PSMG3: variants seen among roughly 807,000 people sequenced by gnomAD.
PSMG3 encodes proteasome assembly chaperone 3.
Under a neutral mutation model 7.9 loss-of-function variants are expected in PSMG3, and 4 were observed. That is an observed-to-expected ratio of 0.51 (90% confidence interval 0.25 to 1.16). PSMG3 has a LOEUF of 1.16. Ranked by LOEUF, PSMG3 falls within the 50% of genes most tolerant of loss-of-function variation. The pLI is 0.15. For missense variants in PSMG3, 151 were observed against 157.4 expected (o/e 0.96, Z 0.22); for synonymous variants, 81 against 69.8 (o/e 1.16, Z -0.80).
chr7:1,569,202 G>A lies in PSMG3; in HGVS notation c.138C>T (p.Val46=). The change falls in exon 1 of 2, where the codon GTC becomes GTT. Residue 46 remains valine, a synonymous_variant. Transcript: ENST00000288607. The part of the protein sequence containing the change: ...VTQFGKMGTL[V]SLEPSSVASD... ...TGGCCACGCTGCTGGGCTCCAGGGA[G>A]ACCAGGGTGCCCATCTTCCCAAACT... The A allele has an allele frequency of 1.2e-6, 2 of 1,613,660 alleles. No homozygotes were observed. The highest frequency in any genetic ancestry group is 1.7e-6 in the Non-Finnish European group (2 of 1,180,022).
At position 1,568,903 on chromosome 7, in the gene PSMG3, C is replaced by T. The variant is rs531299189; in HGVS notation, c.216+221G>A. ...CCTTAAGTGATCTGCCCGCCTCAGC[C>T]TCCCAAAGTGCTGGGATTACAGGTG... On this transcript the variant is annotated intron_variant, in intron 1 of 1. Transcript: ENST00000288607. Among the ~76,000 whole-genome samples the T allele has an allele frequency of 5.9e-5, 9 of 152,352 alleles. No individual in the cohort carries two copies. The South Asian group carries it at 1.7e-3, about 28-fold the overall frequency.
intron 1 of PSMG3, 137 bp from the exon 2 acceptor site, chr7:1,567,987 G>A: frequency 1.4e-6 from 1 of 721,748 alleles, no homozygotes; most frequent in Non-Finnish European, 2.3e-6. Flanking sequence ...CCATGCAACT[G>A]TGACTCAGAG....
chr7:1,569,043 C>T (rs942213585), intron 1 of PSMG3, 81 bp downstream of exon 1: 2 of 1,271,622 alleles, frequency 1.6e-6, no homozygotes, highest in African/African-American at 2.9e-5. Context: ...AACTCCTGGC[C>T]TCAAGCGATC....
chr7:1,567,645 G>C lies in PSMG3; in HGVS notation c.*53C>G, dbSNP rs1778798976. The C allele has an allele frequency of 6.4e-7, 1 of 1,553,216 alleles. No homozygotes were observed. Among genetic ancestry groups the C allele is most frequent in the East Asian group, 2.3e-5 (1 of 43,882 alleles). ...AGGTGAGACTTGAGTCCCTGAGTGGGTGTCTGGGTGTTCACGTGTCCTGCT... is the reference window on the plus strand; with the variant it reads ...AGGTGAGACTTGAGTCCCTGAGTGGCTGTCTGGGTGTTCACGTGTCCTGCT... On this transcript the variant is annotated 3_prime_UTR_variant, in exon 2 of 2. Coordinates refer to ENST00000288607, the MANE Select transcript of PSMG3 (RefSeq NM_032302.4).
chr7:1,569,617 A>C lies in PSMG3; in HGVS notation c.-278T>G, dbSNP rs1480770515. 2 of 313,848 alleles carry C rather than the reference A, an allele frequency of 6.4e-6. No individual in the cohort carries two copies. Among genetic ancestry groups the C allele is most frequent in the South Asian group, 5.6e-5 (1 of 18,000 alleles). The allele number at this position is 313,848 out of a possible 1,614,324, so 19.4% of individuals were successfully genotyped here. ...CCCCCATCTCTACCAAAAAAAAAAA[A>C]AAAAAAAACCAGCAGGGCGCGCCTG... is the stretch of plus-strand genomic sequence containing the variant. On this transcript the variant is annotated 5_prime_UTR_variant, in exon 1 of 2. Coordinates refer to ENST00000288607, the MANE Select transcript of PSMG3 (RefSeq NM_032302.4).
intron 1 of PSMG3, 79 bp from the exon 2 acceptor site, chr7:1,567,929 TAGGAACCC>T: frequency 6.9e-7 from 1 of 1,449,194 alleles, no homozygotes; most frequent in South Asian, 1.3e-5. Context: ...AAGTATCCCT[TAGGAACCC>T]AGGCAGGCTT....
Position 1,567,615 on chromosome 7 carries a change from G to A in PSMG3, c.*83C>T, listed in dbSNP as rs909123817. 1 of 1,402,852 alleles carries A rather than the reference G, an allele frequency of 7.1e-7. No homozygotes were observed. The highest frequency in any genetic ancestry group is 9.6e-7 in the Non-Finnish European group (1 of 1,036,302). 86.9% of individuals were successfully genotyped at this position (1,402,852 alleles called of 1,614,324 possible). On this transcript the variant is annotated 3_prime_UTR_variant, in exon 2 of 2. Coordinates refer to ENST00000288607, the MANE Select transcript of PSMG3 (RefSeq NM_032302.4). ...TGCCAAAGTTCCTCCCTCCACCGGG[G>A]AGGGAGGTGAGACTTGAGTCCCTGA...
rs1401513602 is a variant in PSMG3 at position 1,569,851 on chromosome 7, CACACT to C, written c.-517_-513del. ...GGGTTAGGGGATCGACTTGCACGTT[CACACT>C]GCCAGGCCGGGCAGTGGCTTCCCGC... is the stretch of plus-strand genomic sequence containing the variant. On this transcript the variant is annotated 5_prime_UTR_variant, in exon 1 of 2. Transcript: ENST00000288607. The C allele has an allele frequency of 2.0e-5, 3 of 152,172 alleles. No individual in the cohort carries two copies. The highest frequency in any genetic ancestry group is 2.9e-5 in the Non-Finnish European group (2 of 68,054). 9.4% of individuals were successfully genotyped at this position (152,172 alleles called of 1,614,324 possible).
chr7:1,567,824 G>A lies in PSMG3; in HGVS notation c.243C>T (p.Asn81=). ...DEPLIHVFAK[N]LVAFVSQEAG... ...CTTCTTGAGACACAAACGCTACCAGGTTCTTTGCAAAGACATGGATGAGAG... is the reference window on the plus strand; with the variant it reads ...CTTCTTGAGACACAAACGCTACCAGATTCTTTGCAAAGACATGGATGAGAG... The change falls in exon 2 of 2, where the codon AAC becomes AAT. Residue 81 remains asparagine, a synonymous_variant. Coordinates refer to ENST00000288607, the MANE Select transcript of PSMG3 (RefSeq NM_032302.4). 1 of 1,613,972 alleles carries A rather than the reference G, an allele frequency of 6.2e-7. No individual in the cohort carries two copies.
At position 1,567,681 on chromosome 7, in the gene PSMG3, G is replaced by C; in HGVS notation, c.*17C>G. ...TTCACGTGTCCTGCTGAGCAGCGCG[G>C]GGCGGCTGCCTCCAGGTCACCACAC... On this transcript the variant is annotated 3_prime_UTR_variant, in exon 2 of 2. Transcript: ENST00000288607. The C allele has an allele frequency of 6.2e-7, 1 of 1,611,606 alleles. No individual in the cohort carries two copies.
intron 1 of PSMG3, 54 bp from the exon 2 acceptor site, chr7:1,567,904 C>T (rs1449795109): frequency 7.0e-6 from 11 of 1,576,830 alleles, no homozygotes; most frequent in Non-Finnish European, 8.6e-6. Context: ...TGGTTTTTTC[C>T]TCAATGCTTT....
chr7:1,569,057 CCGCCTAGGCCT>C, intron 1 of PSMG3, 56 bp downstream of exon 1: 1 of 1,410,090 alleles, frequency 7.1e-7, no homozygotes, highest in Non-Finnish European at 9.9e-7. Flanking sequence ...AGCGATCTGC[CCGCCTAGGCCT>C]CTGAAAGTGC....
In PSMG3 at chr7:1,567,464, T is replaced by C. The variant is rs75926663; in HGVS notation, c.*234A>G. ...CAAACACAAGCAACGATTCAGGTCC[T>C]GGTGAGAACCATTCACGACTCCTCC... On this transcript the variant is annotated 3_prime_UTR_variant, in exon 2 of 2. Transcript: ENST00000288607. The C allele has an allele frequency of 7.0e-3, 2,824 of 404,518 alleles. 65 individuals carry two copies. Among genetic ancestry groups the C allele is most frequent in the African/African-American group, 0.052 (2,534 of 48,588 alleles). The allele number at this position is 404,518 out of a possible 1,614,324, so 25.1% of individuals were successfully genotyped here. A position where few individuals can be genotyped will look rare whatever the true frequency, so the allele number is the denominator to read the frequency against.
chr7:1,569,007 T>C (rs1025842539), intron 1 of PSMG3, 117 bp downstream of exon 1: 23 of 766,882 alleles, frequency 3.0e-5, no homozygotes, highest in Admixed American at 1.1e-4. Context: ...TGTGTGTGTG[T>C]TGTTGTGTTG....
rs200063968 is a variant in PSMG3, at chr7:1,569,108, G to A, written c.216+16C>T. The A allele has an allele frequency of 3.1e-6, 5 of 1,610,392 alleles. No individual in the cohort carries two copies. The highest frequency in any genetic ancestry group is 2.7e-5 in the African/African-American group (2 of 74,998). The stretch of plus-strand genomic sequence containing the variant: ...GTTACAGGCGTGAGCCACAGTTCCC[G>A]GCCAATCCACTTTACCTCATCCTGC... On this transcript the variant is annotated intron_variant, in intron 1 of 1. Transcript: ENST00000288607.
Position 1,569,585 on chromosome 7 carries a change from A to T in PSMG3, c.-246T>A. On this transcript the variant is annotated 5_prime_UTR_variant, in exon 1 of 2. Coordinates refer to ENST00000288607, the MANE Select transcript of PSMG3 (RefSeq NM_032302.4). ...AATTCGAGACCAGCCTGGCCAACAT[A>T]GCGAGACCCCCATCTCTACCAAAAA... The T allele has an allele frequency of 3.6e-6, 1 of 280,284 alleles. No individual in the cohort carries two copies. Among genetic ancestry groups the T allele is most frequent in the Non-Finnish European group, 6.6e-6 (1 of 150,904 alleles). The allele number at this position is 280,284 out of a possible 1,614,324, so 17.4% of individuals were successfully genotyped here.
chr7:1,568,947 C>T (rs1778823701), intron 1 of PSMG3, among the ~76,000 whole-genome samples, 177 bp downstream of exon 1: 1 of 151,762 alleles, frequency 6.6e-6, no homozygotes, highest in Non-Finnish European at 1.5e-5. Flanking sequence ...TGCACCCAGC[C>T]TCTCTCTATA....
Position 1,567,785 on chromosome 7 carries a change from T to G in PSMG3, c.282A>C (p.Ala94=), listed in dbSNP as rs1386766190. 1 of 1,614,092 alleles carries G rather than the reference T, an allele frequency of 6.2e-7. No individual in the cohort carries two copies. The highest frequency in any genetic ancestry group is 8.5e-7 in the Non-Finnish European group (1 of 1,180,032). ...AFVSQEAGNR[A]VLLAVAVKDK... Reference sequence around the variant, plus strand: ...CCTTCACGGCCACGGCGAGGAGGACTGCTCTGTTTCCAGCTTCTTGAGACA... The same window carrying G: ...CCTTCACGGCCACGGCGAGGAGGACGGCTCTGTTTCCAGCTTCTTGAGACA... The change falls in exon 2 of 2, where the codon GCA becomes GCC. Residue 94 remains alanine (A), a synonymous_variant. Coordinates refer to ENST00000288607, the MANE Select transcript of PSMG3 (RefSeq NM_032302.4).
At chr7:1,567,939 G>A in intron 1 of PSMG3, 89 bp from the exon 2 acceptor site, 1 of 1,339,324 alleles carries the variant, frequency 7.5e-7, no homozygotes, top group Non-Finnish European at 1.0e-6. Flanking sequence ...TAGGAACCCA[G>A]GCAGGCTTCC....
Sources: gnomAD v4.1 joint callset for allele counts (sites outside exome capture counted in the v4.1 genomes callset) on GRCh38, gnomAD v4.1.1 for gene constraint, MANE v1.5 for transcripts, NCBI Gene and HGNC (gene_info 2026-07-23, HGNC 2026-07-21) for gene names.